TANC2: variants seen among roughly 807,000 people sequenced by gnomAD.
TANC2 encodes the protein protein TANC2.
Under a neutral mutation model 210.5 loss-of-function variants are expected in TANC2, and 26 were observed. The ratio of observed to expected loss-of-function variants is 0.12; its 90% CI spans 0.09 to 0.17. The LOEUF is 0.17. Among genes scored for constraint, TANC2 ranks in the 10% least tolerant of loss-of-function variants. The pLI, the probability that TANC2 is intolerant of heterozygous loss-of-function variation, is 1.00. For synonymous variants in TANC2, 931 were observed against 967.1 expected (o/e 0.96, Z 0.69); for missense variants, 2,129 against 2,608.9 (o/e 0.82, Z 4.01).
chr17:63,356,909 C>G (rs1333817893), intron 14 of TANC2, among the ~76,000 whole-genome samples: 1 of 152,046 alleles, frequency 6.6e-6, no homozygotes, highest in South Asian at 2.1e-4. Context: ...CTCCCCTCAC[C>G]CTGCAGTAAT....
At chr17:62,970,324 CTTTGTA>C (rs2031622965) in intron 1 of TANC2, among the ~76,000 whole-genome samples, 1 of 152,096 alleles carries the variant, frequency 6.6e-6, no homozygotes, top group South Asian at 2.1e-4. Flanking sequence ...TCAGACTATG[CTTTGTA>C]TTTGTATTGG....
At chr17:63,052,751 A>G (rs1568346578) in intron 2 of TANC2, among the ~76,000 whole-genome samples, 1 of 152,086 alleles carries the variant, frequency 6.6e-6, no homozygotes, top group Non-Finnish European at 1.5e-5. Flanking sequence ...CTTTCTAATC[A>G]CTTGAACTTA....
At chr17:63,192,397 A>G (rs1207652766) in intron 5 of TANC2, among the ~76,000 whole-genome samples, 2 of 152,222 alleles carry the variant, frequency 1.3e-5, no homozygotes, top group African/African-American at 2.4e-5. Flanking sequence ...GGTTGCAGTT[A>G]TCTGTCTCTT....
At chr17:63,153,746 T>TAATCAAC (rs1003664568) in intron 5 of TANC2, 1 of 152,144 alleles carries the variant, frequency 6.6e-6, no homozygotes, top group African/African-American at 2.4e-5. Context: ...ATCTGGGGAG[T>TAATCAAC]AACTGCCAGT....
chr17:63,283,234 C>A (rs2146362329), intron 9 of TANC2, among the ~76,000 whole-genome samples: 1 of 152,028 alleles, frequency 6.6e-6, no homozygotes, highest in Non-Finnish European at 1.5e-5. Context: ...GACTATTCAT[C>A]TACTGGATTC....
At chr17:63,067,969 A>G (rs749481925) in intron 2 of TANC2, among the ~76,000 whole-genome samples, 1 of 152,232 alleles carries the variant, frequency 6.6e-6, no homozygotes, top group Non-Finnish European at 1.5e-5. Flanking sequence ...AAGCTGACTG[A>G]ATCCTTAATA....
intron 9 of TANC2, among the ~76,000 whole-genome samples, chr17:63,288,731 T>C (rs2044297281): frequency 6.6e-6 from 1 of 152,176 alleles, no homozygotes; most frequent in African/African-American, 2.4e-5. Context: ...TTAGATCAAT[T>C]CAGAATAAAA....
chr17:63,365,039 A>G (rs1256936223), intron 14 of TANC2, among the ~76,000 whole-genome samples: 7 of 152,330 alleles, frequency 4.6e-5, no homozygotes, highest in African/African-American at 1.7e-4. Flanking sequence ...TAATTATTCT[A>G]TTAATGAGTC....
intron 1 of TANC2, among the ~76,000 whole-genome samples, chr17:62,982,603 A>G (rs1234671790): frequency 6.6e-6 from 1 of 152,074 alleles, no homozygotes; most frequent in Non-Finnish European, 1.5e-5. Context: ...TCTGACCACC[A>G]CTTGCTGTCT....
chr17:62,971,914 T>C (rs1343789486), intron 1 of TANC2, among the ~76,000 whole-genome samples: 1 of 152,186 alleles, frequency 6.6e-6, no homozygotes. Flanking sequence ...CCCTACCCTC[T>C]GGAAAAATTG....
chr17:63,426,535 C>T (rs1341506629), exon 28 of TANC2: 2 of 152,274 alleles, frequency 1.3e-5, no homozygotes, highest in East Asian at 3.8e-4. Flanking sequence ...CAAAGCCTCA[C>T]AGCAGGTGAG....
intron 3 of TANC2, among the ~76,000 whole-genome samples, chr17:63,078,544 G>A (rs1452105776): frequency 6.6e-6 from 1 of 152,046 alleles, no homozygotes; most frequent in Non-Finnish European, 1.5e-5. Context: ...TAGGAATTTA[G>A]TGTTATAAAT....
intron 2 of TANC2, among the ~76,000 whole-genome samples, chr17:63,042,809 A>C (rs1161853859): frequency 1.3e-5 from 2 of 152,100 alleles, no homozygotes; most frequent in Non-Finnish European, 2.9e-5. Context: ...AATTTGTTAC[A>C]TTCTTGGAAT....
intron 5 of TANC2, among the ~76,000 whole-genome samples, chr17:63,155,596 C>CAA (rs1417251680): frequency 6.6e-6 from 1 of 152,118 alleles, no homozygotes; most frequent in African/African-American, 2.4e-5. Flanking sequence ...GGTTAAGGGC[C>CAA]AAAGCCCACA....
At chr17:62,986,294 C>T (rs2032562030) in intron 1 of TANC2, among the ~76,000 whole-genome samples, 1 of 152,094 alleles carries the variant, frequency 6.6e-6, no homozygotes, top group Non-Finnish European at 1.5e-5. Flanking sequence ...AAGCCGGGGA[C>T]ATTACTCTGG....
rs779466330 is a variant in TANC2 at position 63,217,969 on chromosome 17, G to A, written c.769+17012G>A. On this transcript the variant is annotated intron_variant, in intron 7 of 27. Coordinates refer to ENST00000689528, the Ensembl canonical transcript of TANC2. ...ACAGACTAAAAAAGAAAAACTGTAT[G>A]ATCATCTGATAAATACAAAAAAAAA... Among the ~76,000 whole-genome samples, 10 of 151,966 alleles carry A rather than the reference G, an allele frequency of 6.6e-5. 1 individual carries two copies. Among genetic ancestry groups the A allele is most frequent in the Non-Finnish European group, 1.2e-4 (8 of 67,966 alleles).
chr17:63,231,985 C>A (rs1370476299), intron 7 of TANC2, among the ~76,000 whole-genome samples: 3 of 152,124 alleles, frequency 2.0e-5, no homozygotes, highest in African/African-American at 7.2e-5. Flanking sequence ...ATCTTTTCTG[C>A]CTGTCTTATT....
chr17:63,259,258 C>G (rs562453067), intron 8 of TANC2, among the ~76,000 whole-genome samples: 1 of 152,316 alleles, frequency 6.6e-6, no homozygotes, highest in Non-Finnish European at 1.5e-5. Flanking sequence ...AGGAAGGCAT[C>G]TCCCAGAGCT....
intron 2 of TANC2, among the ~76,000 whole-genome samples, chr17:63,071,977 A>G (rs932578979): frequency 2.0e-5 from 3 of 152,160 alleles, no homozygotes; most frequent in Non-Finnish European, 4.4e-5. Context: ...GTTAGTCACC[A>G]TGAGTTTCAG....
Sources: allele counts gnomAD v4.1 joint callset (sites outside exome capture counted in the v4.1 genomes callset), GRCh38; gene constraint gnomAD v4.1.1; transcripts MANE v1.5; gene names NCBI Gene and HGNC (gene_info 2026-07-23, HGNC 2026-07-21).